Variants in RBM10 observed in about 807,000 individuals in gnomAD.
RBM10 encodes the protein RNA binding motif protein 10.
Under a neutral mutation model 84.9 loss-of-function variants are expected in RBM10, and 1 was observed. That is an observed-to-expected ratio of 0.01 (90% confidence interval 0.00 to 0.06). The LOEUF (loss-of-function observed/expected upper bound fraction) is 0.06. RBM10 is among the 10% of genes least tolerant of loss of function. RBM10 has a pLI of 1.00. For missense variants in RBM10, 438 were observed against 839.0 expected, an observed-to-expected ratio of 0.52 and a Z score of 5.90; for synonymous variants, 326 against 344.5, an observed-to-expected ratio of 0.95 and a Z score of 0.60.
chrX:47,160,778 G>A (rs190421138), intron 2 of RBM10, among the ~76,000 whole-genome samples: 6 of 111,463 alleles, frequency 5.4e-5, no homozygotes, highest in South Asian at 3.7e-4. Flanking sequence ...TTTATTTGGC[G>A]TAAGAAGTGA....
Position 47,153,814 on chromosome X carries a change from G to A in RBM10, c.17+6316G>A, listed in dbSNP as rs140635285. On this transcript the variant is annotated intron_variant, in intron 2 of 23. Transcript: ENST00000377604. ...CTTTAAAAGCATCTGGAGGCTGGGC[G>A]CAGTGGGCTGAGGCAGTTGGATCAC... is the stretch of plus-strand genomic sequence containing the variant. Among the ~76,000 whole-genome samples the A allele has an allele frequency of 2.8e-3, 313 of 111,419 alleles. 2 individuals are homozygous for A. Among genetic ancestry groups the A allele is most frequent in the African/African-American group, 9.7e-3 (297 of 30,724 alleles).
At position 47,145,353 on chromosome X, in the gene RBM10, C is replaced by A. The variant is rs890346560; in HGVS notation, c.-258C>A. The A allele has an allele frequency of 2.9e-5, 28 of 964,011 alleles. No homozygotes were observed. The highest frequency in any genetic ancestry group is 7.2e-6 in the Non-Finnish European group (5 of 698,246). The allele number at this position is 964,011 out of a possible 1,213,427, so 79.4% of individuals were successfully genotyped here. On this transcript the variant is annotated 5_prime_UTR_variant, in exon 1 of 24. Transcript: ENST00000377604. ...CAGCGCGCTTGGCGCTTCTCCCCTC[C>A]CCCCGATCTGCCTCCAGTCTCGGAC...
In RBM10 at chrX:47,185,537, C is replaced by A. The variant is rs1556781914; in HGVS notation, c.2262C>A (p.Thr754=). The change falls in exon 20 of 24, where the codon ACC becomes ACA. Residue 754 remains threonine, a synonymous_variant. Transcript: ENST00000377604. The part of the protein sequence containing the change: ...RGGPEREEKL[T]DWQKLACLLC... ...GCCCTGAGCGGGAGGAGAAGCTCACCGACTGGCAGAAGCTGGCCTGTCTGC... is the reference window on the plus strand; with the variant it reads ...GCCCTGAGCGGGAGGAGAAGCTCACAGACTGGCAGAAGCTGGCCTGTCTGC... The A allele has an allele frequency of 8.4e-7, 1 of 1,188,422 alleles. No homozygotes were observed. Among genetic ancestry groups the A allele is most frequent in the Non-Finnish European group, 1.1e-6 (1 of 883,572 alleles).
At chrX:47,159,253 T>TA (rs1466915564) in intron 2 of RBM10, among the ~76,000 whole-genome samples, 7 of 110,385 alleles carry the variant, frequency 6.3e-5, no homozygotes, top group Admixed American at 4.9e-4. Context: ...CTACTAAAAA[T>TA]AAAAAATTAG....
rs782671192 is a variant in RBM10, at chrX:47,186,489, C to T, written c.2683C>T (p.Arg895Trp). The change falls in exon 24 of 24, where the codon CGG (arginine) becomes TGG (tryptophan). Residue 895 changes from arginine (R) to tryptophan (W), a missense_variant. By Grantham distance (101) the Arg-to-Trp change is moderately radical. Transcript: ENST00000377604. ...CCTCACACAGGCCCAAACACGGGTGCGGGGCTCCGGCCTGGGTGCACGGGG... is the reference window on the plus strand; with the variant it reads ...CCTCACACAGGCCCAAACACGGGTGTGGGGCTCCGGCCTGGGTGCACGGGG... ...VTPIEAQTRV[R>W]GSGLGARGSS... is the part of the protein sequence containing the mutation. The T allele has an allele frequency of 1.7e-6, 2 of 1,206,356 alleles. No homozygotes were observed. Among genetic ancestry groups the T allele is most frequent in the South Asian group, 3.6e-5 (2 of 56,043 alleles).
At chrX:47,179,566 G>T in intron 9 of RBM10, 71 bp downstream of exon 9, 1 of 1,064,974 alleles carries the variant, frequency 9.4e-7, no homozygotes, top group Non-Finnish European at 1.3e-6. Flanking sequence ...CAGAGAAATG[G>T]CAGTGAGCAG....
At chrX:47,147,011 C>G (rs999776277) in intron 1 of RBM10, among the ~76,000 whole-genome samples, 7 of 111,465 alleles carry the variant, frequency 6.3e-5, no homozygotes, top group Non-Finnish European at 1.1e-4. Flanking sequence ...CCCCTACCCC[C>G]ACCCTGGGAT....
At position 47,182,336 on chromosome X, in the gene RBM10, A is replaced by T. The variant is rs1200737524; in HGVS notation, c.1950+10A>T. ...CAAGACAGCTCAACAGGTGAACACC[A>T]GGGTCCAGCAGTCACTGGCTGGCTG... On this transcript the variant is annotated intron_variant, in intron 17 of 23. Coordinates refer to ENST00000377604, the MANE Select transcript of RBM10 (RefSeq NM_005676.5). 8.4e-7 allele frequency: 1 copy of T among 1,197,479 alleles called. No individual in the cohort carries two copies. Among genetic ancestry groups the T allele is most frequent in the Admixed American group, 2.3e-5 (1 of 43,887 alleles).
chrX:47,181,129 G>A (rs1003083692), intron 12 of RBM10, 86 bp from the exon 13 acceptor site: 13 of 533,453 alleles, frequency 2.4e-5, no homozygotes, highest in Non-Finnish European at 3.7e-5. Flanking sequence ...CTAGCCCCAC[G>A]TGTGGGACAG....
intron 2 of RBM10, among the ~76,000 whole-genome samples, chrX:47,163,886 T>TTTTTG (rs1933944544): frequency 3.6e-5 from 3 of 82,373 alleles, no homozygotes; most frequent in Admixed American, 1.3e-4. Flanking sequence ...TTTTTTTTTT[T>TTTTTG]GAGACGGAGT....
intron 7 of RBM10, 54 bp downstream of exon 7, chrX:47,176,640 C>A (rs1167996559): frequency 1.7e-6 from 2 of 1,199,757 alleles, no homozygotes; most frequent in African/African-American, 3.6e-5. Flanking sequence ...ACAGCAGTGG[C>A]GGCGATCTCT....
rs999721311 is a variant in RBM10, at chrX:47,147,406, C to T, written c.-76C>T. 1.7e-6 allele frequency: 2 copies of T among 1,208,113 alleles called. No homozygotes were observed. The highest frequency in any genetic ancestry group is 2.2e-6 in the Non-Finnish European group (2 of 893,201). ...GGCTGGCAGATCATGGTAGCAGCAG[C>T]GGGGGTGGCTGGGAAGTGAAACGGA... On this transcript the variant is annotated 5_prime_UTR_variant, in exon 2 of 24. Coordinates refer to ENST00000377604, the MANE Select transcript of RBM10 (RefSeq NM_005676.5).
At chrX:47,157,910 G>A (rs1933301013) in intron 2 of RBM10, 1 of 274,348 alleles carries the variant, frequency 3.6e-6, no homozygotes. Context: ...CTCCCGAGTA[G>A]CTAGGATTAC....
In RBM10 at chrX:47,145,474, C is replaced by T. The variant is rs1266887422; in HGVS notation, c.-137C>T. On this transcript the variant is annotated 5_prime_UTR_variant, in exon 1 of 24. Transcript: ENST00000377604. ...GTCTGGGAGCCCTTCCTTGACAGCC[C>T]GGGCCGAGAAGGTGAGCGTCGACGC... 1.7e-6 allele frequency: 2 copies of T among 1,149,270 alleles called. No individual in the cohort carries two copies. Among genetic ancestry groups the T allele is most frequent in the African/African-American group, 1.8e-5 (1 of 54,751 alleles). 94.7% of individuals were successfully genotyped at this position (1,149,270 alleles called of 1,213,427 possible).
At chrX:47,152,888 C>T (rs1556764079) in intron 2 of RBM10, among the ~76,000 whole-genome samples, 1 of 108,999 alleles carries the variant, frequency 9.2e-6, no homozygotes, top group Non-Finnish European at 1.9e-5. Context: ...CTCTTGTTGC[C>T]CAGGCTGGAG....
Position 47,147,798 on chromosome X carries a change from G to A in RBM10, c.17+300G>A, listed in dbSNP as rs1448644366. Among the ~76,000 whole-genome samples the A allele has an allele frequency of 3.6e-5, 4 of 110,764 alleles. No individual in the cohort carries two copies. In the Admixed American group the frequency reaches 3.9e-4, roughly 11 times the overall value. ...TGGGGCTATAGCCTGGGGTATGAGG[G>A]ATGGGTGGGAATGGCACCATCAGAG... On this transcript the variant is annotated intron_variant, in intron 2 of 23. Transcript: ENST00000377604.
In RBM10 at chrX:47,181,806, C is replaced by G; in HGVS notation, c.1633C>G (p.Pro545Ala). 2.5e-6 allele frequency: 3 copies of G among 1,211,528 alleles called. No homozygotes were observed. The highest frequency in any genetic ancestry group is 3.4e-6 in the Non-Finnish European group (3 of 895,462). The change falls in exon 15 of 24, where the codon CCT (proline) becomes GCT (alanine). Residue 545 changes from proline (P) to alanine (A), a missense_variant. Physicochemically the swap from Pro to Ala is conservative, Grantham distance 27 (BLOSUM62 -1). Around this residue, in one of 8 missense-constraint regions of RBM10, gnomAD observed 97 missense variants for 110.3 expected, o/e 0.88. Transcript: ENST00000377604. ...LKSELQSPTH[P>A]SSALPPATSP... is the part of the protein sequence containing the mutation. ...ATCTGAGCTCCAGAGCCCTACCCAT[C>G]CTAGTTCTGCTCTCCCACCGGCTAC...
intron 1 of RBM10, among the ~76,000 whole-genome samples, chrX:47,146,765 G>A (rs782198777): frequency 4.5e-5 from 5 of 111,692 alleles, no homozygotes; most frequent in Admixed American, 1.9e-4. Flanking sequence ...TGAGGGCCAA[G>A]GCTGTGTTGG....
chrX:47,150,059 T>G (rs1378207729), intron 2 of RBM10, among the ~76,000 whole-genome samples: 1 of 110,743 alleles, frequency 9.0e-6, no homozygotes, highest in Admixed American at 9.6e-5. Flanking sequence ...TGACCTCAGG[T>G]GATCCGCCTG....
Sources: allele counts gnomAD v4.1 joint callset (sites outside exome capture counted in the v4.1 genomes callset), GRCh38; gene constraint gnomAD v4.1.1; regional missense constraint gnomAD v4.1.1; transcripts MANE v1.5; gene names NCBI Gene and HGNC (gene_info 2026-07-23, HGNC 2026-07-21).